CYFIP2: variants seen among roughly 807,000 people sequenced by gnomAD.
The protein encoded by CYFIP2 is cytoplasmic FMR1-interacting protein 2.
A neutral mutation model predicts 158.7 loss-of-function variants in CYFIP2; 29 were observed. The observed-to-expected ratio is 0.18, with a 90% CI of 0.14 to 0.25. The LOEUF (loss-of-function observed/expected upper bound fraction) is 0.25, where lower values mean the gene tolerates loss of function less well. Ranked by LOEUF, CYFIP2 falls within the 10% of genes least tolerant of loss-of-function variation. The pLI is 1.00. For missense variants in CYFIP2, 852 were observed against 1,639.5 expected (o/e 0.52, Z 8.29); for synonymous variants, 585 against 617.6 (o/e 0.95, Z 0.78).
At chr5:157,317,391 C>A (rs1760236606) in intron 13 of CYFIP2, among the ~76,000 whole-genome samples, 2 of 152,220 alleles carry the variant, frequency 1.3e-5, no homozygotes, top group African/African-American at 4.8e-5. Flanking sequence ...AAATAGGAAA[C>A]ACCATTCAAC....
intron 3 of CYFIP2, among the ~76,000 whole-genome samples, chr5:157,292,439 G>A (rs185935951): frequency 1.5e-4 from 23 of 152,164 alleles, no homozygotes; most frequent in Admixed American, 1.0e-3. Context: ...GGCTGGCCTC[G>A]AACTCCCGAC....
At chr5:157,312,934 A>G (rs1759859266) in intron 11 of CYFIP2, among the ~76,000 whole-genome samples, 2 of 151,988 alleles carry the variant, frequency 1.3e-5, no homozygotes, top group Admixed American at 6.6e-5. Context: ...CTGGTCTTGT[A>G]CTCCTGGACT....
Position 157,341,122 on chromosome 5 carries a change from G to C in CYFIP2, c.2638G>C (p.Ala880Pro). The change falls in exon 23 of 31, where the codon GCC (alanine) becomes CCC (proline). Residue 880 changes from alanine (A) to proline (P), a missense_variant. Ala to Pro is a conservative substitution (Grantham distance 27). Transcript: ENST00000620254. ...CCAAGAACCACAACGAGACAAACCT[G>C]CCAACGTCCAGCCTTATTACCTCTA... ...FTQEPQRDKP[A>P]NVQPYYLYGS... is the part of the protein sequence containing the mutation. 1 of 1,613,968 alleles carries C rather than the reference G, an allele frequency of 6.2e-7. No homozygotes were observed. Among genetic ancestry groups the C allele is most frequent in the Non-Finnish European group, 8.5e-7 (1 of 1,179,868 alleles).
Position 157,314,452 on chromosome 5 carries a change from G to A in CYFIP2, c.1219G>A (p.Val407Ile), listed in dbSNP as rs747579286. ...GCTTCTATCCAAGTGGAGCGCCCAC[G>A]TCATGGAGGTGGTAGGTGTCTCTGG... Reference protein sequence around the residue: ...LQLLSKWSAHVMEVYSWKLVH... With the variant: ...LQLLSKWSAHIMEVYSWKLVH... The change falls in exon 12 of 31, where the codon GTC becomes ATC. Residue 407 changes from valine (V) to isoleucine (I), a missense_variant. Around this residue, in one of 8 missense-constraint regions of CYFIP2, gnomAD observed 10 missense variants for 40.4 expected, o/e 0.25. Transcript: ENST00000620254. 1.9e-6 allele frequency: 3 copies of A among 1,613,636 alleles called. No homozygotes were observed. The highest frequency in any genetic ancestry group is 2.2e-5 in the East Asian group (1 of 44,884).
intron 23 of CYFIP2, among the ~76,000 whole-genome samples, chr5:157,346,849 A>G (rs1762733027): frequency 6.6e-6 from 1 of 152,158 alleles, no homozygotes; most frequent in Admixed American, 6.5e-5. Flanking sequence ...CTACTCCTGG[A>G]TTGAATCATC....
chr5:157,382,919 C>T (rs372022235), intron 27 of CYFIP2, among the ~76,000 whole-genome samples: 1 of 152,080 alleles, frequency 6.6e-6, no homozygotes, highest in African/African-American at 2.4e-5. Flanking sequence ...TCAACAAATT[C>T]CTTATAAGAT....
At chr5:157,324,198 C>A in intron 16 of CYFIP2, 124 bp downstream of exon 16, 1 of 1,155,224 alleles carries the variant, frequency 8.7e-7, no homozygotes, top group Non-Finnish European at 1.2e-6. Context: ...GCACATATCA[C>A]CACCAAGGAA....
intron 1 of CYFIP2, among the ~76,000 whole-genome samples, chr5:157,271,178 G>A (rs539412674): frequency 6.6e-6 from 1 of 152,322 alleles, no homozygotes; most frequent in South Asian, 2.1e-4. Context: ...AGGGAGTGGA[G>A]ACAGTTTGAG....
rs575287433 is a variant in CYFIP2 at position 157,295,672 on chromosome 5, C to T, written c.285+812C>T. On this transcript the variant is annotated intron_variant, in intron 4 of 30. Coordinates refer to ENST00000620254, the MANE Select transcript of CYFIP2 (RefSeq NM_001037333.3). ...TTGTTTCCTGGTTACATAAAACTGT[C>T]TCATTCCTTCTAACAGCTCACAGTG... 4.4e-4 allele frequency among the ~76,000 whole-genome samples: 67 copies of T among 152,352 alleles called. No individual in the cohort carries two copies. In the South Asian group the frequency reaches 0.014, roughly 31 times the overall value.
In CYFIP2 at chr5:157,320,679, C is replaced by T. The variant is rs543209816; in HGVS notation, c.1548C>T (p.Thr516=). The T allele has an allele frequency of 6.2e-7, 1 of 1,613,940 alleles. No individual in the cohort carries two copies. Among genetic ancestry groups the T allele is most frequent in the Admixed American group, 1.7e-5 (1 of 60,024 alleles). The change falls in exon 15 of 31, where the codon ACC becomes ACT. Residue 516 remains threonine (T), a synonymous_variant. Coordinates refer to ENST00000620254, the MANE Select transcript of CYFIP2 (RefSeq NM_001037333.3). The stretch of plus-strand genomic sequence containing the variant: ...GCGTCCTACAGGCAATTCGAAAGAC[C>T]ATCTGTGACTGGGAGGGAGGGCGAG... The part of the protein sequence containing the change: ...LISVLQAIRK[T]ICDWEGGREP...
chr5:157,387,201 G>A (rs910235194), intron 28 of CYFIP2, among the ~76,000 whole-genome samples: 9 of 152,224 alleles, frequency 5.9e-5, no homozygotes, highest in Admixed American at 2.6e-4. Flanking sequence ...GCTCATCTCT[G>A]GGTAATGAGG....
At chr5:157,322,846 T>C (rs1461549397) in intron 15 of CYFIP2, 7 of 1,306,010 alleles carry the variant, frequency 5.4e-6, no homozygotes, top group Non-Finnish European at 7.4e-6. Flanking sequence ...ACAATACCTC[T>C]TGCTTTTCTC....
At chr5:157,383,684 T>C (rs1766356075) in intron 28 of CYFIP2, 1 of 205,352 alleles carries the variant, frequency 4.9e-6, no homozygotes, top group Admixed American at 5.2e-5. Context: ...CCACATACTC[T>C]GTGAGCCAGC....
intron 26 of CYFIP2, among the ~76,000 whole-genome samples, chr5:157,370,030 G>A (rs1764848570): frequency 1.3e-5 from 2 of 152,060 alleles, no homozygotes; most frequent in Admixed American, 6.5e-5. Context: ...ACAGGCACCT[G>A]CCACCATGCC....
intron 26 of CYFIP2, among the ~76,000 whole-genome samples, chr5:157,379,580 A>C (rs1765833866): frequency 6.8e-6 from 1 of 147,454 alleles, no homozygotes; most frequent in Non-Finnish European, 1.5e-5. Flanking sequence ...CTGAGATGGG[A>C]GGATCACCTA....
intron 22 of CYFIP2, among the ~76,000 whole-genome samples, chr5:157,340,424 G>A (rs1479857775): frequency 2.6e-5 from 4 of 152,212 alleles, no homozygotes. Context: ...TGAGCAGGGA[G>A]CAGCAAACTG....
intron 29 of CYFIP2, among the ~76,000 whole-genome samples, chr5:157,389,897 C>G (rs975156521): frequency 6.6e-6 from 1 of 152,210 alleles, no homozygotes; most frequent in Non-Finnish European, 1.5e-5. Context: ...GAACTGGGGA[C>G]ACCTGCCCGG....
chr5:157,301,024 C>T (rs1479901777), intron 6 of CYFIP2, 128 bp downstream of exon 6: 6 of 794,626 alleles, frequency 7.6e-6, no homozygotes, highest in Non-Finnish European at 9.3e-6. Flanking sequence ...AGCCATCCCC[C>T]AAACATAGTG....
In CYFIP2 at chr5:157,300,495, G is replaced by C. The variant is rs192399696; in HGVS notation, c.388-220G>C. ...GGTTGCAGTGAGCCGAGATCGCACC[G>C]CTGCACTCCAGCCTGGTGACGAAGC... is the stretch of plus-strand genomic sequence containing the variant. On this transcript the variant is annotated intron_variant, in intron 5 of 30. Transcript: ENST00000620254. 3.4e-5 allele frequency among the ~76,000 whole-genome samples: 5 copies of C among 148,936 alleles called. No individual in the cohort carries two copies. In the East Asian group the frequency reaches 9.9e-4, roughly 29 times the overall value.
Sources: gnomAD v4.1 joint callset for allele counts (sites outside exome capture counted in the v4.1 genomes callset) on GRCh38, gnomAD v4.1.1 for gene constraint, gnomAD v4.1.1 regional missense constraint, MANE v1.5 for transcripts, NCBI Gene and HGNC (gene_info 2026-07-23, HGNC 2026-07-21) for gene names.